Variants in NMNAT2 observed in about 807,000 individuals in gnomAD.
NMNAT2 encodes nicotinamide/nicotinic acid mononucleotide adenylyltransferase 2.
Under a neutral mutation model 41.6 loss-of-function variants are expected in NMNAT2, and 11 were observed. That is an observed-to-expected ratio of 0.26 (90% CI 0.17 to 0.44). The LOEUF (loss-of-function observed/expected upper bound fraction) is 0.44, where lower values mean the gene tolerates loss of function less well. NMNAT2 is among the 20% of genes least tolerant of loss of function. NMNAT2 has a pLI of 1.00. For missense variants in NMNAT2, 288 were observed against 407.7 expected (o/e 0.71, Z 2.53); for synonymous variants, 148 against 151.2 (o/e 0.98, Z 0.16).
In NMNAT2 at chr1:183,357,524, C is replaced by A. The variant is rs575719650; in HGVS notation, c.85+60659G>T. ...GATTACAGGTGTGAGCCACCACGCC[C>A]GGCTGAGAGATATCAAATTCAATAG... is the stretch of plus-strand genomic sequence containing the variant. On this transcript the variant is annotated intron_variant, in intron 1 of 10. Coordinates refer to ENST00000287713, the MANE Select transcript of NMNAT2 (RefSeq NM_015039.4). Among the ~76,000 whole-genome samples the A allele has an allele frequency of 3.3e-5, 5 of 152,070 alleles. No individual in the cohort carries two copies. The East Asian group carries it at 9.6e-4, about 29-fold the overall frequency.
intron 8 of NMNAT2, chr1:183,266,749 C>G: frequency 4.6e-6 from 1 of 215,366 alleles, no homozygotes; most frequent in Non-Finnish European, 9.8e-6. Flanking sequence ...TTAGAAAATT[C>G]AAGCTAATTA....
chr1:183,368,857 A>G (rs1479293687), intron 1 of NMNAT2, among the ~76,000 whole-genome samples: 2 of 152,192 alleles, frequency 1.3e-5, no homozygotes, highest in African/African-American at 4.8e-5. Flanking sequence ...AGAGCCGGCA[A>G]CTCATGAAGT....
At chr1:183,284,854 T>A in intron 5 of NMNAT2, 64 bp from the exon 6 acceptor site, 1 of 1,396,414 alleles carries the variant, frequency 7.2e-7, no homozygotes, top group Non-Finnish European at 1.0e-6. Flanking sequence ...CTGGCACTCA[T>A]GTCGGCCCGG....
intron 3 of NMNAT2, among the ~76,000 whole-genome samples, chr1:183,292,089 G>A (rs1661556808): frequency 6.6e-6 from 1 of 152,214 alleles, no homozygotes; most frequent in Admixed American, 6.5e-5. Context: ...CATAGTGGGG[G>A]AAATTACAGC....
intron 3 of NMNAT2, among the ~76,000 whole-genome samples, chr1:183,291,355 T>G (rs1661535792): frequency 6.6e-6 from 1 of 152,098 alleles, no homozygotes; most frequent in Non-Finnish European, 1.5e-5. Flanking sequence ...AGCTTGCCAT[T>G]TGCCGGGACC....
At chr1:183,403,896 G>T (rs573974786) in intron 1 of NMNAT2, among the ~76,000 whole-genome samples, 6 of 152,262 alleles carry the variant, frequency 3.9e-5, no homozygotes, top group Non-Finnish European at 2.9e-5. Flanking sequence ...CAGAAGCCAA[G>T]AATTCAAATG....
chr1:183,254,157 C>G (rs138485455), intron 10 of NMNAT2, among the ~76,000 whole-genome samples: 1 of 152,008 alleles, frequency 6.6e-6, no homozygotes, highest in Non-Finnish European at 1.5e-5. Flanking sequence ...CTTTAGGAAC[C>G]TCTATTCTGT....
chr1:183,341,167 G>A (rs928872124), intron 1 of NMNAT2, among the ~76,000 whole-genome samples: 1 of 152,168 alleles, frequency 6.6e-6, no homozygotes, highest in Non-Finnish European at 1.5e-5. Context: ...TTCATCTGCG[G>A]CAGTTTGCTC....
At chr1:183,293,326 A>G (rs1661592669) in intron 2 of NMNAT2, among the ~76,000 whole-genome samples, 1 of 152,260 alleles carries the variant, frequency 6.6e-6, no homozygotes, top group Admixed American at 6.5e-5. Context: ...TATAAAAGGC[A>G]TAGGCCGTTT....
chr1:183,368,358 A>G (rs111600879), intron 1 of NMNAT2, among the ~76,000 whole-genome samples: 2,390 of 152,258 alleles, frequency 0.016, 33 homozygotes, highest in Non-Finnish European at 0.022. Flanking sequence ...GGGTTCCTGG[A>G]GGCCGGAATA....
chr1:183,256,182 C>G (rs929934612), intron 10 of NMNAT2, among the ~76,000 whole-genome samples: 1 of 151,840 alleles, frequency 6.6e-6, no homozygotes, highest in Non-Finnish European at 1.5e-5. Context: ...CTGAGGCAGG[C>G]AGATCACGAG....
intron 1 of NMNAT2, among the ~76,000 whole-genome samples, chr1:183,408,516 G>A (rs974089763): frequency 5.3e-5 from 8 of 151,918 alleles, no homozygotes; most frequent in South Asian, 2.1e-4. Flanking sequence ...ATAGTTTGCC[G>A]ACCTCTGAGT....
intron 1 of NMNAT2, among the ~76,000 whole-genome samples, chr1:183,386,994 G>T (rs1385314344): frequency 6.6e-6 from 1 of 151,956 alleles, no homozygotes; most frequent in Non-Finnish European, 1.5e-5. Flanking sequence ...TCAGTTTAAT[G>T]ACAACAGAGA....
intron 8 of NMNAT2, among the ~76,000 whole-genome samples, chr1:183,263,031 C>A (rs1299599322): frequency 1.3e-5 from 2 of 152,206 alleles, no homozygotes; most frequent in Non-Finnish European, 2.9e-5. Flanking sequence ...CATTTCTAAG[C>A]CTGATTTACT....
intron 1 of NMNAT2, among the ~76,000 whole-genome samples, chr1:183,319,802 A>G (rs1172113553): frequency 3.3e-5 from 5 of 152,186 alleles, no homozygotes; most frequent in Non-Finnish European, 7.3e-5. Context: ...TGGGGTTGAG[A>G]GTGGGATGCA....
chr1:183,274,302 T>G (rs1661068745), intron 8 of NMNAT2, among the ~76,000 whole-genome samples: 1 of 151,756 alleles, frequency 6.6e-6, no homozygotes, highest in Admixed American at 6.6e-5. Context: ...ATAACTTTAT[T>G]TATTTATTTG....
chr1:183,381,152 G>T (rs138600074), intron 1 of NMNAT2, among the ~76,000 whole-genome samples: 1 of 152,250 alleles, frequency 6.6e-6, no homozygotes, highest in Non-Finnish European at 1.5e-5. Context: ...AGGGTGTGTG[G>T]GAGAGAGACT....
At position 183,296,093 on chromosome 1, in the gene NMNAT2, G is replaced by A. The variant is rs12031758; in HGVS notation, c.86-2300C>T. Among the ~76,000 whole-genome samples the A allele has an allele frequency of 2.6e-3, 391 of 152,160 alleles. 10 individuals are homozygous for A. In the East Asian group the frequency reaches 0.059, roughly 23 times the overall value. ...TCAAACTCCTGACCTCAGGAGATCC[G>A]CCTGCCACGGCCTCCCAAAGTGCTG... On this transcript the variant is annotated intron_variant, in intron 1 of 10. Transcript: ENST00000287713.
chr1:183,261,029 A>G lies in NMNAT2; in HGVS notation c.794T>C (p.Met265Thr). 6.2e-7 allele frequency: 1 copy of G among 1,614,082 alleles called. No homozygotes were observed. Among genetic ancestry groups the G allele is most frequent in the Non-Finnish European group, 8.5e-7 (1 of 1,179,944 alleles). The change falls in exon 10 of 11, where the codon ATG becomes ACG. Residue 265 changes from methionine to threonine, a missense_variant. Coordinates refer to ENST00000287713, the MANE Select transcript of NMNAT2 (RefSeq NM_015039.4). ...MVVKDDINHPMSVVSSTKSRL... is the reference protein window; with the variant it reads ...MVVKDDINHPTSVVSSTKSRL... ...GCTCTTGGTTGAGCTGACAACAGAC[A>G]TGGGATGGTTGATGTCATCCTTCAC...
Sources: allele counts gnomAD v4.1 joint callset (sites outside exome capture counted in the v4.1 genomes callset), GRCh38; gene constraint gnomAD v4.1.1; transcripts MANE v1.5; gene names NCBI Gene and HGNC (gene_info 2026-07-23, HGNC 2026-07-21).